Variants in NUGGC observed in about 807,000 individuals in gnomAD.
NUGGC encodes the protein nuclear GTPase SLIP-GC.
NUGGC carries 58 observed loss-of-function variants against 92.6 expected under a neutral mutation model. The ratio of observed to expected loss-of-function variants is 0.63; its 90% CI spans 0.51 to 0.78. The LOEUF is 0.78. Among genes scored for constraint, NUGGC ranks in the 30% least tolerant of loss-of-function variants. The pLI is 0.00. For missense variants in NUGGC, 925 were observed against 964.6 expected, an observed-to-expected ratio of 0.96 and a Z score of 0.54; for synonymous variants, 376 against 366.4, an observed-to-expected ratio of 1.03 and a Z score of -0.30.
rs751930277 is a variant in NUGGC at position 28,081,346 on chromosome 8, G to A, written c.-47+2429C>T. ...AAAAATAAAAAATAAAAAAGAGTTC[G>A]TTGTGAGAATTAAATGTGATAATGA... On this transcript the variant is annotated intron_variant, in intron 1 of 18. Coordinates refer to ENST00000413272, the MANE Select transcript of NUGGC (RefSeq NM_001010906.2). Among the ~76,000 whole-genome samples the A allele has an allele frequency of 3.3e-5, 5 of 151,826 alleles. 1 individual carries two copies. Among genetic ancestry groups the A allele is most frequent in the South Asian group, 4.2e-4 (2 of 4,802 alleles).
chr8:28,055,720 C>A (rs111337900), intron 10 of NUGGC, among the ~76,000 whole-genome samples: 5 of 152,188 alleles, frequency 3.3e-5, no homozygotes, highest in African/African-American at 9.7e-5. Flanking sequence ...ATAGTCCCAG[C>A]TACTTGAGAG....
At chr8:28,050,113 C>G (rs1471606856) in intron 10 of NUGGC, among the ~76,000 whole-genome samples, 1 of 150,754 alleles carries the variant, frequency 6.6e-6, no homozygotes, top group Non-Finnish European at 1.5e-5. Context: ...AGGCCGGGCA[C>G]GGTGGCTCAT....
At chr8:28,050,253 T>C (rs547625728) in intron 10 of NUGGC, among the ~76,000 whole-genome samples, 79 of 150,384 alleles carry the variant, frequency 5.3e-4, no homozygotes, top group African/African-American at 1.9e-3. Context: ...GGCATGGTGG[T>C]GAGTGCCTGT....
chr8:28,048,647 A>G (rs1809906062), intron 10 of NUGGC, among the ~76,000 whole-genome samples: 1 of 152,080 alleles, frequency 6.6e-6, no homozygotes, highest in African/African-American at 2.4e-5. Flanking sequence ...GCGGATCACA[A>G]GGTCAGGAGT....
At position 28,070,264 on chromosome 8, in the gene NUGGC, C is replaced by T; in HGVS notation, c.136G>A (p.Ala46Thr). 6.4e-7 allele frequency: 1 copy of T among 1,550,666 alleles called. No individual in the cohort carries two copies. The highest frequency in any genetic ancestry group is 8.7e-7 in the Non-Finnish European group (1 of 1,144,324). ...CCAAGACACTCACATTCCTTAAGAG[C>T]ACTCTGCTCCATGGAGGGAAATGCT... ...FRAFPSMEQS[A>T]LKEYEKLESR... Residue 46 changes from alanine (A) to threonine (T), a missense_variant, in exon 3 of 19, where the codon GCT (alanine) becomes ACT (threonine). Coordinates refer to ENST00000413272, the MANE Select transcript of NUGGC (RefSeq NM_001010906.2).
intron 2 of NUGGC, among the ~76,000 whole-genome samples, chr8:28,074,037 G>A (rs1810657728): frequency 6.6e-6 from 1 of 151,510 alleles, no homozygotes; most frequent in African/African-American, 2.4e-5. Context: ...GACGTCATGT[G>A]ATCCACCCGC....
rs1174671278 is a variant in NUGGC, at chr8:28,047,487, A to G, written c.1312+20T>C. On this transcript the variant is annotated intron_variant, in intron 11 of 18. Coordinates refer to ENST00000413272, the MANE Select transcript of NUGGC (RefSeq NM_001010906.2). ...GATCTTGAGAATTTTAGTGATGGAG[A>G]TTTAAAAAACATAAATTACCCGTTT... 3.5e-6 allele frequency: 5 copies of G among 1,440,086 alleles called. No homozygotes were observed. Among genetic ancestry groups the G allele is most frequent in the Admixed American group, 4.2e-5 (2 of 47,730 alleles). The allele number at this position is 1,440,086 out of a possible 1,614,324, so 89.2% of individuals were successfully genotyped here.
At chr8:28,068,506 A>T in intron 4 of NUGGC, 68 bp from the exon 5 acceptor site, 1 of 1,101,130 alleles carries the variant, frequency 9.1e-7, no homozygotes, top group Non-Finnish European at 1.3e-6. Context: ...TTGAAACAGA[A>T]TGCAAAGGAA....
rs1033853772 is a variant in NUGGC, at chr8:28,022,105, GT to G, written c.*1211del. ...GCAATGTTTTTTCTATAATGTTTAA[GT>G]TTTTTTATGTATGGGTGTGTGTGTG... On this transcript the variant is annotated 3_prime_UTR_variant, in exon 19 of 19. Coordinates refer to ENST00000413272, the MANE Select transcript of NUGGC (RefSeq NM_001010906.2). The G allele has an allele frequency of 1.4e-5, 2 of 138,138 alleles. No homozygotes were observed. The highest frequency in any genetic ancestry group is 7.1e-5 in the Admixed American group (1 of 14,118). The allele number at this position is 138,138 out of a possible 1,614,324, so 8.6% of individuals were successfully genotyped here.
At chr8:28,023,802 A>G (rs1809180651) in intron 18 of NUGGC, among the ~76,000 whole-genome samples, 1 of 151,864 alleles carries the variant, frequency 6.6e-6, no homozygotes, top group East Asian at 1.9e-4. Flanking sequence ...CCCCACCCCA[A>G]TCCCTATCCT....
At chr8:28,043,178 G>C (rs1363984673) in intron 12 of NUGGC, among the ~76,000 whole-genome samples, 1 of 152,188 alleles carries the variant, frequency 6.6e-6, no homozygotes, top group Admixed American at 6.5e-5. Context: ...CCTCACTCTC[G>C]ATAAATCCTT....
In NUGGC at chr8:28,071,820, A is replaced by G. The variant is rs1810597295; in HGVS notation, c.44-1464T>C. ...CCTGGGGCTGGCCTGCACCTTAGAA[A>G]ATGGCCATGAGGTGAACCAAAAGAG... On this transcript the variant is annotated intron_variant, in intron 2 of 18. Coordinates refer to ENST00000413272, the MANE Select transcript of NUGGC (RefSeq NM_001010906.2). Among the ~76,000 whole-genome samples the G allele has an allele frequency of 2.6e-5, 4 of 152,148 alleles. No individual in the cohort carries two copies. In the South Asian group the frequency reaches 8.3e-4, roughly 32 times the overall value.
intron 7 of NUGGC, among the ~76,000 whole-genome samples, chr8:28,063,718 A>T (rs571327009): frequency 1.3e-5 from 2 of 152,246 alleles, no homozygotes; most frequent in African/African-American, 4.8e-5. Context: ...CTAGATTGTG[A>T]CTGGAAGTCG....
intron 10 of NUGGC, among the ~76,000 whole-genome samples, chr8:28,054,259 A>G (rs1026027095): frequency 3.7e-4 from 57 of 152,162 alleles, no homozygotes; most frequent in Non-Finnish European, 8.8e-5. Context: ...AGGTGGGTAG[A>G]TCACCAGAGG....
chr8:28,053,388 G>A (rs150652647), intron 10 of NUGGC, among the ~76,000 whole-genome samples: 10 of 152,118 alleles, frequency 6.6e-5, no homozygotes, highest in African/African-American at 1.7e-4. Flanking sequence ...TGCGGAGTGC[G>A]GGCAGGAAGA....
At chr8:28,026,337 C>T (rs1247480960) in intron 18 of NUGGC, among the ~76,000 whole-genome samples, 2 of 152,308 alleles carry the variant, frequency 1.3e-5, no homozygotes, top group African/African-American at 4.8e-5. Context: ...TACTTAATTG[C>T]TGTTTGTACC....
chr8:28,044,348 C>T (rs1345211286), intron 12 of NUGGC, among the ~76,000 whole-genome samples: 1 of 152,196 alleles, frequency 6.6e-6, no homozygotes, highest in African/African-American at 2.4e-5. Flanking sequence ...GCTGTTTATT[C>T]ACAGCTCACT....
chr8:28,037,048 C>T (rs1160875000), intron 13 of NUGGC, among the ~76,000 whole-genome samples: 1 of 152,092 alleles, frequency 6.6e-6, no homozygotes, highest in Non-Finnish European at 1.5e-5. Context: ...ACATACAGCT[C>T]GCTCATGCCC....
intron 1 of NUGGC, among the ~76,000 whole-genome samples, chr8:28,080,135 T>A (rs564101864): frequency 1.3e-4 from 20 of 152,190 alleles, no homozygotes; most frequent in African/African-American, 4.8e-4. Context: ...AGAGACAAGG[T>A]TTCACTATGT....
Sources: allele counts gnomAD v4.1 joint callset (sites outside exome capture counted in the v4.1 genomes callset), GRCh38; gene constraint gnomAD v4.1.1; transcripts MANE v1.5; gene names NCBI Gene and HGNC (gene_info 2026-07-23, HGNC 2026-07-21).